DTNA: variants seen among roughly 807,000 people sequenced by gnomAD.
DTNA encodes dystrophin-related protein 3.
In DTNA, 43 loss-of-function variants were observed where a neutral mutation model predicts 100.7. The ratio of observed to expected loss-of-function variants is 0.43; its 90% CI spans 0.33 to 0.55. The LOEUF is 0.55. Ranked by LOEUF, DTNA falls within the 20% of genes least tolerant of loss-of-function variation. The probability of loss-of-function intolerance (pLI) is 0.04; values close to 1 mark genes in which losing one functional copy is unlikely to be tolerated. For synonymous variants in DTNA, 349 were observed against 347.9 expected (o/e 1.00, Z -0.04); for missense variants, 798 against 953.9 (o/e 0.84, Z 2.15).
chr18:34,767,111 CAT>C (rs1282374637), intron 3 of DTNA, among the ~76,000 whole-genome samples: 2 of 152,062 alleles, frequency 1.3e-5, no homozygotes, highest in South Asian at 2.1e-4. Flanking sequence ...AAAAAAGTCT[CAT>C]TTTTTAATTA....
intron 1 of DTNA, among the ~76,000 whole-genome samples, chr18:34,595,104 T>A (rs557316948): frequency 6.6e-6 from 1 of 152,372 alleles, no homozygotes; most frequent in East Asian, 1.9e-4. Context: ...ATGTGTTAAC[T>A]TTGTAAATTT....
chr18:34,778,789 C>CTA (rs888426313), intron 3 of DTNA, among the ~76,000 whole-genome samples: 6 of 146,190 alleles, frequency 4.1e-5, no homozygotes, highest in African/African-American at 1.5e-4. Context: ...AAAATAAAAG[C>CTA]TATATATATA....
chr18:34,615,182 C>A (rs998868579), intron 1 of DTNA, among the ~76,000 whole-genome samples: 4 of 152,082 alleles, frequency 2.6e-5, no homozygotes, highest in Non-Finnish European at 5.9e-5. Flanking sequence ...CAGGAGCAGG[C>A]ACAACACATA....
intron 1 of DTNA, among the ~76,000 whole-genome samples, chr18:34,503,667 T>C (rs531623645): frequency 6.6e-6 from 1 of 152,300 alleles, no homozygotes; most frequent in South Asian, 2.1e-4. Flanking sequence ...ACTGTAAATA[T>C]TAATACAATA....
chr18:34,573,127 A>G (rs571329474), intron 1 of DTNA, among the ~76,000 whole-genome samples: 35 of 152,272 alleles, frequency 2.3e-4, no homozygotes, highest in Admixed American at 2.2e-3. Flanking sequence ...CACATATACA[A>G]TTAACTTTGC....
At chr18:34,607,234 T>A (rs2053312025) in intron 1 of DTNA, among the ~76,000 whole-genome samples, 1 of 152,230 alleles carries the variant, frequency 6.6e-6, no homozygotes, top group African/African-American at 2.4e-5. Flanking sequence ...CAAATCTTTT[T>A]TGACTGAGAA....
chr18:34,833,179 A>G (rs2096058402), intron 11 of DTNA, among the ~76,000 whole-genome samples: 1 of 152,198 alleles, frequency 6.6e-6, no homozygotes, highest in African/African-American at 2.4e-5. Flanking sequence ...GTCAAGGGCT[A>G]ATATAGTAAC....
intron 1 of DTNA, among the ~76,000 whole-genome samples, chr18:34,648,159 G>C (rs879330336): frequency 6.6e-6 from 1 of 152,212 alleles, no homozygotes; most frequent in Non-Finnish European, 1.5e-5. Flanking sequence ...AAAACGGCCA[G>C]AGTTATAAGA....
At chr18:34,792,652 G>T (rs1224391110) in intron 3 of DTNA, among the ~76,000 whole-genome samples, 1 of 152,186 alleles carries the variant, frequency 6.6e-6, no homozygotes. Context: ...ATAATGAAAA[G>T]TCAACCTTAA....
chr18:34,851,781 C>T, intron 14 of DTNA, 50 bp from the exon 15 acceptor site: 1 of 1,583,766 alleles, frequency 6.3e-7, no homozygotes, highest in Non-Finnish European at 8.7e-7. Flanking sequence ...TTCCCAAATA[C>T]ATAGGTTCAC....
rs563640877 is a variant in DTNA at position 34,884,272 on chromosome 18, G to T, written c.2296-456G>T. On this transcript the variant is annotated intron_variant, in intron 21 of 22. Transcript: ENST00000444659. ...TCTTTTTTTTCTTTAAGGGAGGCAGGCTTACACCATTCCATATAAAATATT... is the reference window on the plus strand; with the variant it reads ...TCTTTTTTTTCTTTAAGGGAGGCAGTCTTACACCATTCCATATAAAATATT... 2.6e-5 allele frequency among the ~76,000 whole-genome samples: 4 copies of T among 152,172 alleles called. No individual in the cohort carries two copies. The East Asian group carries it at 7.7e-4, about 29-fold the overall frequency.
At chr18:34,838,310 A>C in intron 12 of DTNA, 139 bp downstream of exon 12, 1 of 840,142 alleles carries the variant, frequency 1.2e-6, no homozygotes, top group Non-Finnish European at 1.9e-6. Context: ...AGTTAACAGC[A>C]CTAAGTAGTT....
At chr18:34,707,172 T>G (rs1194068437), upstream of DTNA, among the ~76,000 whole-genome samples, 3 of 152,268 alleles carry the variant, frequency 2.0e-5, no homozygotes, top group African/African-American at 7.2e-5. Flanking sequence ...TGTAGGAAAT[T>G]AGGTGCTCTC....
chr18:34,843,044 T>C (rs2096300053), intron 13 of DTNA, among the ~76,000 whole-genome samples: 1 of 152,096 alleles, frequency 6.6e-6, no homozygotes, highest in Non-Finnish European at 1.5e-5. Context: ...TCTGTTGATA[T>C]TGTAGAATAT....
chr18:34,509,302 A>G (rs1361042066), intron 1 of DTNA, among the ~76,000 whole-genome samples: 1 of 152,130 alleles, frequency 6.6e-6, no homozygotes, highest in African/African-American at 2.4e-5. Flanking sequence ...CTTCTTTCTT[A>G]TAATCATTAC....
chr18:34,841,153 C>G (rs966135122), intron 13 of DTNA, among the ~76,000 whole-genome samples: 1 of 152,112 alleles, frequency 6.6e-6, no homozygotes, highest in Admixed American at 6.6e-5. Context: ...TTTTAGAGAG[C>G]TTACCTGACT....
At chr18:34,635,116 G>A (rs2058524716) in intron 1 of DTNA, among the ~76,000 whole-genome samples, 1 of 152,026 alleles carries the variant, frequency 6.6e-6, no homozygotes, top group African/African-American at 2.4e-5. Flanking sequence ...AGATCATGTG[G>A]TATTTGTCTC....
At chr18:34,755,306 T>C (rs28729466) in intron 1 of DTNA, among the ~76,000 whole-genome samples, 153 of 152,348 alleles carry the variant, frequency 1.0e-3, no homozygotes, top group African/African-American at 3.5e-3. Context: ...ACTGTTGGCA[T>C]TTTAGTAGTA....
rs1216290526 is a variant in DTNA at position 34,827,573 on chromosome 18, C to A, written c.1002-20C>A. On this transcript the variant is annotated intron_variant, in intron 9 of 22. Coordinates refer to ENST00000444659, the MANE Select transcript of DTNA (RefSeq NM_001386795.1). ...CTTTTATTTGTTTTAACTTTCCATT[C>A]ACCCTGTGTTTTGTTTTAGGCCTCC... 6.2e-7 allele frequency: 1 copy of A among 1,611,690 alleles called. No homozygotes were observed. Among genetic ancestry groups the A allele is most frequent in the Non-Finnish European group, 8.5e-7 (1 of 1,177,776 alleles).
Sources: allele counts gnomAD v4.1 joint callset (sites outside exome capture counted in the v4.1 genomes callset), GRCh38; gene constraint gnomAD v4.1.1; transcripts MANE v1.5; gene names NCBI Gene and HGNC (gene_info 2026-07-23, HGNC 2026-07-21).